RAB28: variants seen among roughly 807,000 people sequenced by gnomAD.
RAB28 encodes ras-related protein Rab-28.
In RAB28, 24 loss-of-function variants were observed where a neutral mutation model predicts 31.7. The observed-to-expected ratio is 0.76, with a 90% CI of 0.55 to 1.06. The LOEUF (loss-of-function observed/expected upper bound fraction) is 1.06, where lower values mean the gene tolerates loss of function less well. Among genes scored for constraint, RAB28 ranks in the 50% least tolerant of loss-of-function variants. The pLI is 0.00. For synonymous variants in RAB28, 100 were observed against 90.4 expected, an observed-to-expected ratio of 1.11 and a Z score of -0.60; for missense variants, 254 against 258.5, an observed-to-expected ratio of 0.98 and a Z score of 0.12.
intron 4 of RAB28, among the ~76,000 whole-genome samples, chr4:13,395,465 G>T (rs1729835591): frequency 6.6e-6 from 1 of 151,970 alleles, no homozygotes; most frequent in Non-Finnish European, 1.5e-5. Context: ...TGATTCACAT[G>T]TGGTTAAAAT....
chr4:13,440,804 C>A (rs375632423), intron 4 of RAB28, among the ~76,000 whole-genome samples: 15 of 151,756 alleles, frequency 9.9e-5, no homozygotes, highest in African/African-American at 3.4e-4. Context: ...TATGCATGGA[C>A]CCTAATTCAC....
intron 4 of RAB28, among the ~76,000 whole-genome samples, chr4:13,416,556 G>A (rs983676101): frequency 1.3e-5 from 2 of 152,112 alleles, no homozygotes; most frequent in Non-Finnish European, 2.9e-5. Flanking sequence ...AAAAATTAAA[G>A]GCAGAACAAT....
chr4:13,374,484 C>T (rs1728843707), intron 6 of RAB28, among the ~76,000 whole-genome samples: 1 of 152,128 alleles, frequency 6.6e-6, no homozygotes, highest in Non-Finnish European at 1.5e-5. Flanking sequence ...CACCACTGCA[C>T]AGCTCAGGCA....
At chr4:13,371,819 C>T (rs1385620440) in intron 6 of RAB28, 3 of 1,547,536 alleles carry the variant, frequency 1.9e-6, no homozygotes, top group African/African-American at 1.4e-5. Flanking sequence ...CCACAAAGCA[C>T]ACTCGATTAT....
At chr4:13,380,984 T>C (rs371050217) in intron 5 of RAB28, among the ~76,000 whole-genome samples, 3 of 152,030 alleles carry the variant, frequency 2.0e-5, no homozygotes, top group South Asian at 2.1e-4. Context: ...AAAATAAATA[T>C]AGGGTTGTGA....
intron 4 of RAB28, among the ~76,000 whole-genome samples, chr4:13,460,419 T>C (rs1049652244): frequency 2.0e-5 from 3 of 152,170 alleles, no homozygotes; most frequent in African/African-American, 7.2e-5. Flanking sequence ...TCTCACTATG[T>C]TGGCCAGGTT....
intron 4 of RAB28, chr4:13,459,966 C>A: frequency 2.5e-6 from 3 of 1,212,342 alleles, no homozygotes; most frequent in Non-Finnish European, 3.3e-6. Flanking sequence ...ACTAAACTTA[C>A]CTTCACAGGA....
intron 4 of RAB28, among the ~76,000 whole-genome samples, chr4:13,417,041 C>A (rs1004593445): frequency 2.0e-5 from 3 of 152,202 alleles, no homozygotes; most frequent in African/African-American, 7.2e-5. Flanking sequence ...TCAAATACTG[C>A]GCTTTTCCAA....
chr4:13,446,047 A>G (rs1313468469), intron 4 of RAB28, among the ~76,000 whole-genome samples: 1 of 152,134 alleles, frequency 6.6e-6, no homozygotes, highest in African/African-American at 2.4e-5. Context: ...GAGCTGCTGG[A>G]TTTCCTGCAG....
chr4:13,419,497 G>A (rs1014374027), intron 4 of RAB28, among the ~76,000 whole-genome samples: 1 of 152,114 alleles, frequency 6.6e-6, no homozygotes, highest in Non-Finnish European at 1.5e-5. Flanking sequence ...TACATAGTTG[G>A]AAGTAAAGCA....
At chr4:13,429,797 A>C (rs1713709779) in intron 4 of RAB28, among the ~76,000 whole-genome samples, 1 of 152,230 alleles carries the variant, frequency 6.6e-6, no homozygotes, top group Admixed American at 6.5e-5. Flanking sequence ...TTCACATGGA[A>C]ATGTAAGGGA....
intron 4 of RAB28, among the ~76,000 whole-genome samples, chr4:13,415,285 T>C (rs1712691206): frequency 6.6e-6 from 1 of 152,226 alleles, no homozygotes; most frequent in Non-Finnish European, 1.5e-5. Flanking sequence ...CCTCTCTGCC[T>C]GAGCTCCCAC....
chr4:13,368,017 T>C lies in RAB28; in HGVS notation c.*541A>G, dbSNP rs1236836119. ...TTTTTAAAAAATGAAAAAATATTTCTATTACAGGCTTATTTCAAGCATTTT... is the reference window on the plus strand; with the variant it reads ...TTTTTAAAAAATGAAAAAATATTTCCATTACAGGCTTATTTCAAGCATTTT... On this transcript the variant is annotated 3_prime_UTR_variant, in exon 7 of 7. Transcript: ENST00000330852. 2.1e-6 allele frequency: 2 copies of C among 971,414 alleles called. No individual in the cohort carries two copies. The highest frequency in any genetic ancestry group is 2.4e-6 in the Non-Finnish European group (2 of 817,356). The allele number at this position is 971,414 out of a possible 1,614,324, so 60.2% of individuals were successfully genotyped here. A position where few individuals can be genotyped will look rare whatever the true frequency, so the allele number is the denominator to read the frequency against.
intron 2 of RAB28, among the ~76,000 whole-genome samples, chr4:13,477,181 T>C (rs1039396220): frequency 4.0e-5 from 6 of 151,700 alleles, no homozygotes; most frequent in Admixed American, 3.9e-4. Context: ...ACAGATACAC[T>C]ATTTTAAGCA....
chr4:13,389,956 T>G (rs555372914), intron 4 of RAB28, among the ~76,000 whole-genome samples: 1 of 152,210 alleles, frequency 6.6e-6, no homozygotes, highest in South Asian at 2.1e-4. Flanking sequence ...AATGTCATAC[T>G]GAATGGGCAA....
At chr4:13,433,056 T>C (rs1372363639) in intron 4 of RAB28, among the ~76,000 whole-genome samples, 1 of 150,790 alleles carries the variant, frequency 6.6e-6, no homozygotes, top group East Asian at 1.9e-4. Flanking sequence ...CTTATGCTGC[T>C]GTGAAGAGGC....
At chr4:13,482,731 T>C (rs1716668158) in intron 1 of RAB28, among the ~76,000 whole-genome samples, 1 of 152,188 alleles carries the variant, frequency 6.6e-6, no homozygotes, top group Non-Finnish European at 1.5e-5. Context: ...AGCATATTGT[T>C]TTCCTCAGCT....
intron 4 of RAB28, among the ~76,000 whole-genome samples, chr4:13,415,712 C>G: frequency 6.6e-6 from 1 of 152,186 alleles, no homozygotes; most frequent in Non-Finnish European, 1.5e-5. Context: ...CAACGAGCAC[C>G]ATCCCCTGCT....
intron 4 of RAB28, among the ~76,000 whole-genome samples, chr4:13,433,360 A>G (rs759925599): frequency 8.5e-5 from 13 of 152,282 alleles, no homozygotes; most frequent in Non-Finnish European, 1.6e-4. Flanking sequence ...TCAACACAGA[A>G]AGCAGACAAT....
Sources: gnomAD v4.1 joint callset for allele counts (sites outside exome capture counted in the v4.1 genomes callset) on GRCh38, gnomAD v4.1.1 for gene constraint, MANE v1.5 for transcripts, NCBI Gene and HGNC (gene_info 2026-07-23, HGNC 2026-07-21) for gene names.